The following BRD4 variants were observed in gnomAD, a reference collection of about 807,000 sequenced individuals.
BRD4 encodes bromodomain containing 4, also known as bromodomain-containing protein 4.
Under a neutral mutation model 142.1 loss-of-function variants are expected in BRD4, and 16 were observed. The observed-to-expected ratio is 0.11, with a 90% CI of 0.08 to 0.17. The LOEUF is 0.17. Among genes scored for constraint, BRD4 ranks in the 10% least tolerant of loss-of-function variants. The pLI is 1.00. For synonymous variants in BRD4, 833 were observed against 707.5 expected (o/e 1.18, Z -2.82); for missense variants, 1,424 against 1,810.9 (o/e 0.79, Z 3.88).
chr19:15,254,338 A>T, intron 10 of BRD4, 76 bp from the exon 11 acceptor site: 1 of 1,252,582 alleles, frequency 8.0e-7, no homozygotes, highest in Non-Finnish European at 1.2e-6. Context: ...GGCACACCCC[A>T]TCCATCTGGA....
chr19:15,316,727 G>A (rs958126976), intron 1 of BRD4, among the ~76,000 whole-genome samples: 1 of 152,230 alleles, frequency 6.6e-6, no homozygotes, highest in African/African-American at 2.4e-5. Context: ...CCTCAGGAGG[G>A]AAGCACTGTT....
At chr19:15,281,551 G>A (rs1227707695) in intron 1 of BRD4, among the ~76,000 whole-genome samples, 1 of 152,208 alleles carries the variant, frequency 6.6e-6, no homozygotes, top group Non-Finnish European at 1.5e-5. Context: ...CACTGCAAAA[G>A]CTGCCAGCAA....
chr19:15,297,345 G>C (rs982832812), intron 1 of BRD4, among the ~76,000 whole-genome samples: 1 of 152,102 alleles, frequency 6.6e-6, no homozygotes, highest in African/African-American at 2.4e-5. Context: ...CTTGAGAGCC[G>C]CTGCTAAGAA....
At chr19:15,263,167 C>A (rs1426759842) in intron 7 of BRD4, among the ~76,000 whole-genome samples, 2 of 152,234 alleles carry the variant, frequency 1.3e-5, no homozygotes, top group Admixed American at 1.3e-4. Context: ...ACAGCACACA[C>A]CCGGTCTTCC....
intron 1 of BRD4, among the ~76,000 whole-genome samples, chr19:15,286,588 T>A (rs1282735779): frequency 1.3e-5 from 2 of 152,190 alleles, no homozygotes; most frequent in Admixed American, 1.3e-4. Flanking sequence ...CGTGTAACAT[T>A]TTTTTCCTTA....
chr19:15,286,559 T>C (rs548418126), intron 1 of BRD4, among the ~76,000 whole-genome samples: 14 of 152,304 alleles, frequency 9.2e-5, no homozygotes, highest in African/African-American at 3.1e-4. Context: ...TTACCCAAAA[T>C]ACCATTTCGA....
chr19:15,283,822 C>T (rs1376910204), intron 1 of BRD4, among the ~76,000 whole-genome samples: 1 of 152,200 alleles, frequency 6.6e-6, no homozygotes, highest in African/African-American at 2.4e-5. Context: ...CTGGAACCTG[C>T]CCACACTCAC....
At chr19:15,266,910 G>A (rs2047540571) in intron 4 of BRD4, among the ~76,000 whole-genome samples, 1 of 152,194 alleles carries the variant, frequency 6.6e-6, no homozygotes, top group African/African-American at 2.4e-5. Flanking sequence ...TGTGTCAGTT[G>A]GGGGTGGTGA....
intron 1 of BRD4, among the ~76,000 whole-genome samples, chr19:15,300,538 G>C (rs1158262937): frequency 6.6e-6 from 1 of 152,044 alleles, no homozygotes; most frequent in African/African-American, 2.4e-5. Context: ...CTGGGTGATA[G>C]TGGGAGACTC....
intron 14 of BRD4, among the ~76,000 whole-genome samples, chr19:15,241,156 G>A (rs1329761986): frequency 1.3e-5 from 2 of 152,216 alleles, no homozygotes; most frequent in African/African-American, 2.4e-5. Context: ...TGGTTTTCCT[G>A]GCGTTGACAT....
intron 1 of BRD4, among the ~76,000 whole-genome samples, chr19:15,283,413 C>T (rs2047719157): frequency 6.6e-6 from 1 of 152,102 alleles, no homozygotes; most frequent in South Asian, 2.1e-4. Context: ...GCTTATAATC[C>T]TCATTTAAAT....
At chr19:15,313,658 A>G (rs556234986) in intron 1 of BRD4, among the ~76,000 whole-genome samples, 1 of 152,292 alleles carries the variant, frequency 6.6e-6, no homozygotes, top group East Asian at 1.9e-4. Context: ...CTGGGCAACA[A>G]GAGCAAAACT....
At chr19:15,305,420 C>T (rs530721466) in intron 1 of BRD4, among the ~76,000 whole-genome samples, 79 of 152,232 alleles carry the variant, frequency 5.2e-4, no homozygotes, top group Admixed American at 1.4e-3. Context: ...TTAGCAGGCA[C>T]GAAAACATTC....
At chr19:15,319,461 A>G (rs1194127843) in intron 1 of BRD4, among the ~76,000 whole-genome samples, 3 of 152,122 alleles carry the variant, frequency 2.0e-5, no homozygotes. Context: ...CCAAAAAATA[A>G]AAATAAGCTA....
intron 1 of BRD4, chr19:15,331,792 C>G (rs2048161873): frequency 6.7e-6 from 1 of 150,168 alleles, no homozygotes; most frequent in Non-Finnish European, 1.5e-5. Flanking sequence ...GACCGCGGAC[C>G]GGGACAGCTG....
rs138148041 is a variant in BRD4, at chr19:15,266,649, G to T, written c.559+767C>A. 2.2e-3 allele frequency among the ~76,000 whole-genome samples: 328 copies of T among 152,288 alleles called. 1 individual carries two copies. The highest frequency in any genetic ancestry group is 3.8e-3 in the Admixed American group (58 of 15,300). On this transcript the variant is annotated intron_variant, in intron 4 of 19. Transcript: ENST00000679869. ...GTGACACGTGAGACTAGTTCTCCTT[G>T]GTTACCTTTGGGTGCAGCAGGGGAT...
chr19:15,324,534 G>A (rs1456535556), intron 1 of BRD4, among the ~76,000 whole-genome samples: 1 of 152,070 alleles, frequency 6.6e-6, no homozygotes, highest in Non-Finnish European at 1.5e-5. Flanking sequence ...ACTTTTCCAG[G>A]GAGACCTTAC....
At chr19:15,279,258 G>C (rs539433540) in intron 1 of BRD4, among the ~76,000 whole-genome samples, 1 of 152,270 alleles carries the variant, frequency 6.6e-6, no homozygotes, top group Admixed American at 6.5e-5. Flanking sequence ...TTATAACTCT[G>C]AACAGGAAAC....
intron 1 of BRD4, among the ~76,000 whole-genome samples, chr19:15,306,391 C>T (rs2047914002): frequency 1.3e-5 from 2 of 152,180 alleles, no homozygotes; most frequent in South Asian, 4.1e-4. Context: ...ATCTCAGCCT[C>T]CCAAGTAGCT....
Sources: allele counts gnomAD v4.1 joint callset (sites outside exome capture counted in the v4.1 genomes callset), GRCh38; gene constraint gnomAD v4.1.1; transcripts MANE v1.5; gene names NCBI Gene and HGNC (gene_info 2026-07-23, HGNC 2026-07-21).